Variants in OTUD7A observed in about 807,000 individuals in gnomAD.
The protein encoded by OTUD7A is OTU deubiquitinase 7A, also known as OTU domain-containing protein 7A.
OTUD7A carries 12 observed loss-of-function variants against 65.7 expected under a neutral mutation model. The ratio of observed to expected loss-of-function variants is 0.18; its 90% CI spans 0.12 to 0.30. OTUD7A has a LOEUF of 0.30. OTUD7A is among the 10% of genes least tolerant of loss of function. The pLI is 1.00. For synonymous variants in OTUD7A, 641 were observed against 586.3 expected (o/e 1.09, Z -1.35); for missense variants, 1,148 against 1,304.8 (o/e 0.88, Z 1.85).
intron 1 of OTUD7A, among the ~76,000 whole-genome samples, chr15:31,760,370 A>G (rs1447344537): frequency 6.6e-6 from 1 of 152,194 alleles, no homozygotes; most frequent in Non-Finnish European, 1.5e-5. Flanking sequence ...ATCTCCCTCC[A>G]GCTACCAATC....
At chr15:31,657,423 C>G (rs561042486) in intron 1 of OTUD7A, among the ~76,000 whole-genome samples, 63 of 151,726 alleles carry the variant, frequency 4.2e-4, no homozygotes, top group African/African-American at 1.5e-3. Flanking sequence ...GTGGCGCGAT[C>G]TCGGCTCACT....
chr15:31,740,560 G>A (rs906128576), intron 1 of OTUD7A, among the ~76,000 whole-genome samples: 2 of 152,038 alleles, frequency 1.3e-5, no homozygotes, highest in African/African-American at 4.8e-5. Flanking sequence ...AGACAAAGTG[G>A]TGAATTCTCA....
chr15:31,800,306 T>G (rs1684761242), intron 1 of OTUD7A, among the ~76,000 whole-genome samples: 1 of 152,108 alleles, frequency 6.6e-6, no homozygotes. Context: ...CCGGGAGGCC[T>G]GTACTCTTGT....
In OTUD7A at chr15:31,611,177, G is replaced by A. The variant is rs116810698; in HGVS notation, c.152-40980C>T. The stretch of plus-strand genomic sequence containing the variant: ...GGAGGTGCTAAGAGGAAACTTCATA[G>A]CCCTACACGCCTACATCAAAAAGAC... On this transcript the variant is annotated intron_variant, in intron 3 of 12. Transcript: ENST00000307050. 3.5e-3 allele frequency among the ~76,000 whole-genome samples: 539 copies of A among 152,038 alleles called. 3 individuals carry two copies. Among genetic ancestry groups the A allele is most frequent in the African/African-American group, 0.013 (522 of 41,456 alleles).
chr15:31,515,744 GCCATCCAC>G (rs1278867166), intron 8 of OTUD7A, among the ~76,000 whole-genome samples: 1 of 126,422 alleles, frequency 7.9e-6, no homozygotes, highest in African/African-American at 3.1e-5. Flanking sequence ...ATCCATTCAT[GCCATCCAC>G]CCACCCACCC....
At chr15:31,651,572 A>AAAAC (rs1208210726) in intron 3 of OTUD7A, among the ~76,000 whole-genome samples, 1 of 140,802 alleles carries the variant, frequency 7.1e-6, no homozygotes, top group Non-Finnish European at 1.5e-5. Flanking sequence ...AATCCCAAGG[A>AAAAC]ACACACACAC....
intron 1 of OTUD7A, among the ~76,000 whole-genome samples, chr15:31,717,868 G>A (rs1193777040): frequency 6.6e-6 from 1 of 152,188 alleles, no homozygotes; most frequent in Non-Finnish European, 1.5e-5. Context: ...CAGTGTAAAA[G>A]CGTTCCTATT....
intron 1 of OTUD7A, among the ~76,000 whole-genome samples, chr15:31,792,380 T>C (rs544357372): frequency 1.3e-5 from 2 of 152,064 alleles, no homozygotes; most frequent in Non-Finnish European, 2.9e-5. Context: ...CCAAAACCCA[T>C]ACTCCATGGC....
At chr15:31,558,435 C>T (rs1888569589) in intron 5 of OTUD7A, 1 of 154,330 alleles carries the variant, frequency 6.5e-6, no homozygotes, top group African/African-American at 2.4e-5. Flanking sequence ...AACCTGGAAG[C>T]TGGAAGAGGC....
At chr15:31,556,490 T>A (rs928369801) in intron 5 of OTUD7A, 9 of 152,242 alleles carry the variant, frequency 5.9e-5, no homozygotes, top group African/African-American at 2.2e-4. Flanking sequence ...CAGAGTCCCA[T>A]CTTAAAATGC....
chr15:31,500,269 G>A (rs1017536978), intron 10 of OTUD7A, among the ~76,000 whole-genome samples: 1 of 152,236 alleles, frequency 6.6e-6, no homozygotes, highest in Non-Finnish European at 1.5e-5. Flanking sequence ...TGGAAAGACC[G>A]GAGCACCTCC....
chr15:31,865,672 A>G (rs913334395), intron 1 of OTUD7A, among the ~76,000 whole-genome samples: 1 of 152,232 alleles, frequency 6.6e-6, no homozygotes, highest in African/African-American at 2.4e-5. Flanking sequence ...CACCACAGAC[A>G]GACGTCTGCT....
At position 31,487,392 on chromosome 15, in the gene OTUD7A, G is replaced by A. The variant is rs62004065; in HGVS notation, c.1286+60C>T. ...CAGGGGTGGTACATTCCCTCCCCAGGATGCCCCAGCCATAGCCCTCCCTGT... is the reference window on the plus strand; with the variant it reads ...CAGGGGTGGTACATTCCCTCCCCAGAATGCCCCAGCCATAGCCCTCCCTGT... On this transcript the variant is annotated intron_variant, in intron 11 of 12. Coordinates refer to ENST00000307050, the MANE Select transcript of OTUD7A (RefSeq NM_001382637.1). The surrounding 1 kb of genome is among the most constrained non-coding windows in gnomAD (Gnocchi z 6.0). 456,862 of 1,583,106 alleles carry A rather than the reference G, an allele frequency of 0.29. 67,134 individuals carry two copies. Among genetic ancestry groups the A allele is most frequent in the East Asian group, 0.4 (17,688 of 44,194 alleles).
intron 1 of OTUD7A, among the ~76,000 whole-genome samples, chr15:31,818,738 G>A (rs1001864813): frequency 3.3e-5 from 5 of 152,218 alleles, no homozygotes; most frequent in African/African-American, 1.2e-4. Context: ...AAACCACGGA[G>A]ATTCTGAAGC....
intron 3 of OTUD7A, among the ~76,000 whole-genome samples, chr15:31,601,695 A>G (rs1477501581): frequency 6.6e-6 from 1 of 152,032 alleles, no homozygotes; most frequent in African/African-American, 2.4e-5. Flanking sequence ...AAAGATCAAC[A>G]AAATAGACCG....
intron 5 of OTUD7A, among the ~76,000 whole-genome samples, chr15:31,538,812 G>A (rs771900200): frequency 7.9e-5 from 12 of 152,026 alleles, no homozygotes; most frequent in African/African-American, 2.4e-4. Context: ...AAAGAAAAAC[G>A]AGTAAAGATC....
chr15:31,587,727 G>A (rs946802943), intron 3 of OTUD7A, among the ~76,000 whole-genome samples: 2 of 151,784 alleles, frequency 1.3e-5, no homozygotes, highest in Non-Finnish European at 2.9e-5. Context: ...AAATAACTTC[G>A]GAGTCTTCCC....
chr15:31,643,649 C>T (rs553916907), intron 3 of OTUD7A, among the ~76,000 whole-genome samples: 1 of 152,276 alleles, frequency 6.6e-6, no homozygotes, highest in East Asian at 1.9e-4. Flanking sequence ...CATTATGGGT[C>T]CTATGTTCCT....
chr15:31,531,166 G>A (rs1887609732), intron 5 of OTUD7A, among the ~76,000 whole-genome samples: 1 of 151,962 alleles, frequency 6.6e-6, no homozygotes, highest in South Asian at 2.1e-4. Context: ...GCTTTTTTGA[G>A]GCACACATAC....
Sources: allele counts gnomAD v4.1 joint callset (sites outside exome capture counted in the v4.1 genomes callset), GRCh38; gene constraint gnomAD v4.1.1; non-coding constraint Gnocchi (gnomAD v3.1); transcripts MANE v1.5; gene names NCBI Gene and HGNC (gene_info 2026-07-23, HGNC 2026-07-21).